Variants in AADACL4 observed in about 807,000 individuals in gnomAD.
AADACL4 encodes arylacetamide deacetylase like 4, also known as arylacetamide deacetylase-like 4.
Under a neutral mutation model 14.1 loss-of-function variants are expected in AADACL4, and 9 were observed. That is an observed-to-expected ratio of 0.64 (90% CI 0.39 to 1.12). AADACL4 has a LOEUF of 1.12. Ranked by LOEUF, AADACL4 falls within the 50% of genes most tolerant of loss-of-function variation. The pLI, the probability that AADACL4 is intolerant of heterozygous loss-of-function variation, is 0.01. For missense variants in AADACL4, 531 were observed against 516.1 expected, an observed-to-expected ratio of 1.03 and a Z score of -0.28; for synonymous variants, 188 against 201.6, an observed-to-expected ratio of 0.93 and a Z score of 0.57.
intron 2 of AADACL4, among the ~76,000 whole-genome samples, chr1:12,651,828 A>AT (rs34997722): frequency 0.016 from 1,965 of 124,132 alleles, 41 homozygotes; most frequent in South Asian, 0.026. Context: ...AGCTAGGAGG[A>AT]TTTTTTTTTT....
At chr1:12,658,131 C>CCTTCCTTCCTTCCTTTCTTTCTTTCTTT (rs1647196228) in intron 2 of AADACL4, among the ~76,000 whole-genome samples, 2 of 119,964 alleles carry the variant, frequency 1.7e-5, no homozygotes, top group African/African-American at 1.0e-4. Flanking sequence ...TTCCTTCCTT[C>CCTTCCTTCCTTCCTTTCTTTCTTTCTTT]CTTCCTTCCT....
At chr1:12,655,154 C>T (rs767547109) in intron 2 of AADACL4, among the ~76,000 whole-genome samples, 13 of 152,108 alleles carry the variant, frequency 8.5e-5, no homozygotes, top group Non-Finnish European at 1.6e-4. Context: ...ACTATATAGA[C>T]TATACTATAT....
Position 12,666,470 on chromosome 1 carries a change from A to T in AADACL4, c.959A>T (p.Asp320Val). Residue 320 changes from aspartate (D) to valine (V), a missense_variant, in exon 4 of 4, where the codon GAT becomes GTT. Transcript: ENST00000376221. Reference sequence around the variant, plus strand: ...TATCTAGAAGCCAAACATATGCTGGATGTAGAAAATTCACCCCTGATAGCA... The same window carrying T: ...TATCTAGAAGCCAAACATATGCTGGTTGTAGAAAATTCACCCCTGATAGCA... ...AAYLEAKHML[D>V]VENSPLIADD... 1.2e-6 allele frequency: 2 copies of T among 1,614,176 alleles called. No individual in the cohort carries two copies. The highest frequency in any genetic ancestry group is 1.7e-6 in the Non-Finnish European group (2 of 1,180,042).
chr1:12,644,499 C>T lies in AADACL4; in HGVS notation c.-48C>T. The stretch of plus-strand genomic sequence containing the variant: ...CCCAGCCAGGTCCTCTTCACATAAG[C>T]TATCAGACAAGCTCCTCAGGGCAGC... On this transcript the variant is annotated 5_prime_UTR_variant, in exon 1 of 4. Coordinates refer to ENST00000376221, the MANE Select transcript of AADACL4 (RefSeq NM_001013630.2). 1 of 1,597,284 alleles carries T rather than the reference C, an allele frequency of 6.3e-7. No homozygotes were observed. Among genetic ancestry groups the T allele is most frequent in the Non-Finnish European group, 8.5e-7 (1 of 1,171,650 alleles).
chr1:12,658,131 C>CCTTCCTTCCTTCCTTCCTTCCTTT (rs1647196228), intron 2 of AADACL4, among the ~76,000 whole-genome samples: 1 of 119,964 alleles, frequency 8.3e-6, no homozygotes, highest in African/African-American at 5.0e-5. Flanking sequence ...TTCCTTCCTT[C>CCTTCCTTCCTTCCTTCCTTCCTTT]CTTCCTTCCT....
intron 3 of AADACL4, among the ~76,000 whole-genome samples, chr1:12,665,645 T>A (rs1647306614): frequency 6.6e-6 from 1 of 152,218 alleles, no homozygotes; most frequent in Admixed American, 6.5e-5. Flanking sequence ...TTCATTTGCC[T>A]TTTTTTCAGC....
intron 1 of AADACL4, among the ~76,000 whole-genome samples, chr1:12,649,970 A>G (rs577419320): frequency 6.6e-6 from 1 of 152,234 alleles, no homozygotes; most frequent in African/African-American, 2.4e-5. Flanking sequence ...TGACCTTGGC[A>G]TGTCTTAACT....
intron 1 of AADACL4, among the ~76,000 whole-genome samples, 183 bp downstream of exon 1, chr1:12,644,897 C>A (rs1267868683): frequency 1.3e-5 from 2 of 149,768 alleles, no homozygotes; most frequent in Non-Finnish European, 3.0e-5. Flanking sequence ...CCGTTCCTTC[C>A]CCCTTCCCAT....
In AADACL4 at chr1:12,666,800, A is replaced by G. The variant is rs56288315; in HGVS notation, c.*65A>G. 1 of 1,465,220 alleles carries G rather than the reference A, an allele frequency of 6.8e-7. No individual in the cohort carries two copies. 90.8% of individuals were successfully genotyped at this position (1,465,220 alleles called of 1,614,324 possible). A position where few individuals can be genotyped will look rare whatever the true frequency, so the allele number is the denominator to read the frequency against. ...GACTCTACCAGAAACCGGGTGCTTT[A>G]GTGAGTTCTATTTTATTGACTAAAG... On this transcript the variant is annotated 3_prime_UTR_variant, in exon 4 of 4. Transcript: ENST00000376221.
In AADACL4 at chr1:12,644,534, A is replaced by G. The variant is rs759435863; in HGVS notation, c.-13A>G. 1.9e-6 allele frequency: 3 copies of G among 1,612,994 alleles called. No homozygotes were observed. The highest frequency in any genetic ancestry group is 1.1e-5 in the South Asian group (1 of 90,960). ...AGCTCCTCAGGGCAGCAGCTCCTCA[A>G]GGCCCCAGGAACATGGCTGTCCCCT... On this transcript the variant is annotated 5_prime_UTR_variant, in exon 1 of 4. Transcript: ENST00000376221.
rs766967290 is a variant in AADACL4 at position 12,644,655 on chromosome 1, T to G, written c.109T>G (p.Leu37Val). 1.9e-6 allele frequency: 3 copies of G among 1,614,160 alleles called. No homozygotes were observed. The South Asian group carries it at 3.3e-5, about 18-fold the overall frequency. Reference protein sequence around the residue: ...HFLTTDIPATLQHPAKLRFLH... With the variant: ...HFLTTDIPATVQHPAKLRFLH... ...CCTCACCACGGATATCCCTGCTACC[T>G]TGCAGCATCCTGCCAAGTTGAGATT... The change falls in exon 1 of 4, where the codon TTG (leucine) becomes GTG (valine). Residue 37 changes from leucine (L) to valine (V), a missense_variant. Coordinates refer to ENST00000376221, the MANE Select transcript of AADACL4 (RefSeq NM_001013630.2).
chr1:12,663,212 G>A (rs1647255945), intron 3 of AADACL4, among the ~76,000 whole-genome samples: 1 of 152,218 alleles, frequency 6.6e-6, no homozygotes, highest in African/African-American at 2.4e-5. Flanking sequence ...CTTTGGTTCT[G>A]CGAAGCCTTC....
chr1:12,662,832 A>T (rs1162363754), intron 3 of AADACL4, among the ~76,000 whole-genome samples: 1 of 152,160 alleles, frequency 6.6e-6, no homozygotes, highest in Admixed American at 6.5e-5. Flanking sequence ...ATTCATCAAC[A>T]TACCTCCCAG....
rs772328479 is a variant in AADACL4, at chr1:12,666,631, G to A, written c.1120G>A (p.Asp374Asn). ...GVRVTWYHLY[D>N]GFHGSIIFFD... ...CCGCGTGACATGGTACCACCTGTAT[G>A]ATGGTTTTCACGGATCCATTATCTT... Residue 374 changes from aspartate (D) to asparagine (N), a missense_variant, in exon 4 of 4, where the codon GAT becomes AAT. Transcript: ENST00000376221. 1.2e-6 allele frequency: 2 copies of A among 1,614,204 alleles called. No individual in the cohort carries two copies.
intron 2 of AADACL4, among the ~76,000 whole-genome samples, chr1:12,659,962 G>T (rs1647213933): frequency 6.6e-6 from 1 of 152,214 alleles, no homozygotes; most frequent in East Asian, 1.9e-4. Context: ...GGGACCACAG[G>T]CATGTACCAC....
At position 12,666,796 on chromosome 1, in the gene AADACL4, C is replaced by A. The variant is rs1647351230; in HGVS notation, c.*61C>A. 6.8e-7 allele frequency: 1 copy of A among 1,478,624 alleles called. No homozygotes were observed. Among genetic ancestry groups the A allele is most frequent in the South Asian group, 1.3e-5 (1 of 75,158 alleles). The allele number at this position is 1,478,624 out of a possible 1,614,324, so 91.6% of individuals were successfully genotyped here. A position where few individuals can be genotyped will look rare whatever the true frequency, so the allele number is the denominator to read the frequency against. On this transcript the variant is annotated 3_prime_UTR_variant, in exon 4 of 4. Transcript: ENST00000376221. ...TATGGACTCTACCAGAAACCGGGTG[C>A]TTTAGTGAGTTCTATTTTATTGACT...
At chr1:12,645,012 C>T (rs1157903131) in intron 1 of AADACL4, among the ~76,000 whole-genome samples, 2 of 146,824 alleles carry the variant, frequency 1.4e-5, no homozygotes, top group African/African-American at 5.1e-5. Flanking sequence ...TCTCCTTCCT[C>T]CTTCCCTCAT....
At chr1:12,651,828 A>ATTTT (rs34997722) in intron 2 of AADACL4, among the ~76,000 whole-genome samples, 3,608 of 124,084 alleles carry the variant, frequency 0.029, 241 homozygotes, top group African/African-American at 0.11. Context: ...AGCTAGGAGG[A>ATTTT]TTTTTTTTTT....
chr1:12,646,812 G>A (rs373524304), intron 1 of AADACL4, among the ~76,000 whole-genome samples: 194 of 152,244 alleles, frequency 1.3e-3, no homozygotes, highest in South Asian at 2.3e-3. Flanking sequence ...CGATCCCTCC[G>A]GCACTGGGGC....
Sources: allele counts gnomAD v4.1 joint callset (sites outside exome capture counted in the v4.1 genomes callset), GRCh38; gene constraint gnomAD v4.1.1; transcripts MANE v1.5; gene names NCBI Gene and HGNC (gene_info 2026-07-23, HGNC 2026-07-21).